The following HIVEP1 variants were observed in gnomAD, a reference collection of about 807,000 sequenced individuals.
The protein encoded by HIVEP1 is HIVEP zinc finger 1, also known as zinc finger protein 40.
HIVEP1 carries 36 observed loss-of-function variants against 180.0 expected under a neutral mutation model. That is an observed-to-expected ratio of 0.20 (90% CI 0.15 to 0.26). HIVEP1 has a LOEUF of 0.26. HIVEP1 is among the 10% of genes least tolerant of loss of function. The probability of loss-of-function intolerance (pLI) is 1.00; values close to 1 mark genes in which losing one functional copy is unlikely to be tolerated. For missense variants in HIVEP1, 3,143 were observed against 3,268.7 expected (o/e 0.96, Z 0.94); for synonymous variants, 1,239 against 1,239.0 (o/e 1.00, Z 0.00).
At chr6:12,076,827 T>C (rs1373298197) in intron 2 of HIVEP1, among the ~76,000 whole-genome samples, 1 of 152,144 alleles carries the variant, frequency 6.6e-6, no homozygotes, top group Non-Finnish European at 1.5e-5. Flanking sequence ...GTGAGTGAAT[T>C]TGTCTGCCAA....
intron 1 of HIVEP1, among the ~76,000 whole-genome samples, chr6:12,014,337 T>C (rs764123648): frequency 6.6e-5 from 10 of 152,226 alleles, no homozygotes; most frequent in Non-Finnish European, 1.3e-4. Flanking sequence ...CAGTACCACA[T>C]TCTTTAGTTG....
intron 2 of HIVEP1, among the ~76,000 whole-genome samples, chr6:12,060,520 A>G (rs1360124313): frequency 1.3e-5 from 2 of 152,246 alleles, no homozygotes; most frequent in African/African-American, 4.8e-5. Context: ...AACAATGCAT[A>G]TTAAGTACTG....
At chr6:12,010,010 T>A (rs1767192842), upstream of HIVEP1, among the ~76,000 whole-genome samples, 1 of 152,250 alleles carries the variant, frequency 6.6e-6, no homozygotes, top group African/African-American at 2.4e-5. Context: ...GATACAAACT[T>A]CACTCATTAT....
At chr6:12,151,617 TG>T (rs976916276) in intron 7 of HIVEP1, among the ~76,000 whole-genome samples, 7 of 152,298 alleles carry the variant, frequency 4.6e-5, no homozygotes, top group Middle Eastern at 3.4e-3. Flanking sequence ...AACTCTGTCA[TG>T]GGTGGTAATT....
chr6:12,176,233 G>GTTT, the HIVEP1 span, among the ~76,000 whole-genome samples: 83 of 133,454 alleles, frequency 6.2e-4, no homozygotes, highest in African/African-American at 1.7e-3. Context: ...TAAGTCTTGG[G>GTTT]TTTTTTTTTT....
chr6:12,165,142 A>G (rs1366480462), downstream of HIVEP1: 1 of 514,568 alleles, frequency 1.9e-6, no homozygotes. Flanking sequence ...CCTTTCTACC[A>G]TGTGAAACTG....
At chr6:12,036,412 T>A (rs2113660214) in intron 2 of HIVEP1, among the ~76,000 whole-genome samples, 1 of 152,362 alleles carries the variant, frequency 6.6e-6, no homozygotes, top group South Asian at 2.1e-4. Flanking sequence ...TTTGTGGAAA[T>A]ACTTTTGTTA....
chr6:12,055,968 G>A (rs1202018084), intron 2 of HIVEP1, among the ~76,000 whole-genome samples: 1 of 152,188 alleles, frequency 6.6e-6, no homozygotes, highest in Non-Finnish European at 1.5e-5. Flanking sequence ...CAAAAGATGA[G>A]CTGTTATTTG....
At chr6:12,197,086 G>T in the HIVEP1 span, among the ~76,000 whole-genome samples, 5 of 152,208 alleles carry the variant, frequency 3.3e-5, no homozygotes, top group Admixed American at 6.5e-5. Context: ...AGACCTCAAA[G>T]AAAGAGTCTC....
chr6:12,122,627 A>G lies in HIVEP1; in HGVS notation c.2832A>G (p.Pro944=), dbSNP rs772174460. The change falls in exon 4 of 9, where the codon CCA becomes CCG. Residue 944 remains proline (P), a synonymous_variant. Coordinates refer to ENST00000379388, the MANE Select transcript of HIVEP1 (RefSeq NM_002114.4). ...GGAGCAAGGCACTGGCACAAGGCCC[A>G]CATATAGAAAAAAAGAAGTCTCATC... ...SVRSKALAQG[P]HIEKKKSHQG... is the part of the protein sequence containing the mutation. The G allele has an allele frequency of 7.4e-6, 12 of 1,613,936 alleles. No homozygotes were observed. The highest frequency in any genetic ancestry group is 1.0e-5 in the Non-Finnish European group (12 of 1,180,016).
the HIVEP1 span, among the ~76,000 whole-genome samples, chr6:12,207,615 T>C: frequency 6.6e-6 from 1 of 151,950 alleles, no homozygotes. Context: ...ACAATTAATC[T>C]AGATTTGGCG....
intron 7 of HIVEP1, among the ~76,000 whole-genome samples, chr6:12,138,562 T>G (rs1163561998): frequency 6.6e-6 from 1 of 152,146 alleles, no homozygotes; most frequent in African/African-American, 2.4e-5. Context: ...CTGTGCTGGC[T>G]CCTCCTCACC....
At chr6:12,099,368 G>A (rs1315135512) in intron 3 of HIVEP1, among the ~76,000 whole-genome samples, 7 of 151,762 alleles carry the variant, frequency 4.6e-5, no homozygotes, top group Admixed American at 1.3e-4. Context: ...GGGTTTCACC[G>A]TTTTAGCCGG....
upstream of HIVEP1, among the ~76,000 whole-genome samples, chr6:12,011,510 T>C (rs910490068): frequency 6.9e-6 from 1 of 144,978 alleles, no homozygotes; most frequent in South Asian, 2.3e-4. Context: ...GCCCCCGCCG[T>C]GTGCTGGTTC....
intron 2 of HIVEP1, among the ~76,000 whole-genome samples, chr6:12,060,686 G>T (rs578182598): frequency 6.6e-6 from 1 of 152,282 alleles, no homozygotes; most frequent in South Asian, 2.1e-4. Context: ...GTCAGTAAAT[G>T]AAACTCAGCA....
At chr6:12,044,379 A>G (rs1480839410) in intron 2 of HIVEP1, among the ~76,000 whole-genome samples, 2 of 152,214 alleles carry the variant, frequency 1.3e-5, no homozygotes, top group Non-Finnish European at 2.9e-5. Flanking sequence ...GAATTTTAAA[A>G]CAGCAGTTTT....
In HIVEP1 at chr6:12,125,818, C is replaced by G. The variant is rs1217808166; in HGVS notation, c.6023C>G (p.Ser2008Cys). The G allele has an allele frequency of 1.2e-6, 2 of 1,613,296 alleles. No homozygotes were observed. Among genetic ancestry groups the G allele is most frequent in the Non-Finnish European group, 8.5e-7 (1 of 1,179,640 alleles). ...SLYCQAITTHSKSDLLVYSSK... is the reference protein window; with the variant it reads ...SLYCQAITTHCKSDLLVYSSK... ...TACTGTCAAGCAATAACTACCCATT[C>G]CAAGTCAGACTTATTGGTCTATTCA... is the stretch of plus-strand genomic sequence containing the variant. The change falls in exon 4 of 9, where the codon TCC becomes TGC. Residue 2008 changes from serine to cysteine, a missense_variant. Transcript: ENST00000379388.
intron 7 of HIVEP1, among the ~76,000 whole-genome samples, chr6:12,141,463 C>T (rs1759021029): frequency 1.3e-5 from 2 of 151,952 alleles, no homozygotes; most frequent in South Asian, 4.1e-4. Context: ...ACTGCATCAA[C>T]TAACGGGCAA....
At chr6:12,143,397 G>A (rs1027005906) in intron 7 of HIVEP1, among the ~76,000 whole-genome samples, 1 of 152,116 alleles carries the variant, frequency 6.6e-6, no homozygotes, top group Non-Finnish European at 1.5e-5. Context: ...AAAATAATAA[G>A]AGCTATTTAT....
Sources: gnomAD v4.1 joint callset for allele counts (sites outside exome capture counted in the v4.1 genomes callset) on GRCh38, gnomAD v4.1.1 for gene constraint, MANE v1.5 for transcripts, NCBI Gene and HGNC (gene_info 2026-07-23, HGNC 2026-07-21) for gene names.